The following CEP295 variants were observed in gnomAD, a reference collection of about 807,000 sequenced individuals.
CEP295 encodes the protein centrosomal protein 295.
In CEP295, 190 loss-of-function variants were observed where a neutral mutation model predicts 291.6. That is an observed-to-expected ratio of 0.65 (90% CI 0.58 to 0.73). The LOEUF (loss-of-function observed/expected upper bound fraction) is 0.73. Among genes scored for constraint, CEP295 ranks in the 30% least tolerant of loss-of-function variants. The pLI, the probability that CEP295 is intolerant of heterozygous loss-of-function variation, is 0.00. For synonymous variants in CEP295, 993 were observed against 1,038.8 expected, an observed-to-expected ratio of 0.96 and a Z score of 0.85; for missense variants, 2,863 against 2,949.4, an observed-to-expected ratio of 0.97 and a Z score of 0.68.
At chr11:93,683,396 A>T (rs1951069237) in intron 7 of CEP295, among the ~76,000 whole-genome samples, 163 bp from the exon 8 acceptor site, 1 of 152,220 alleles carries the variant, frequency 6.6e-6, no homozygotes, top group African/African-American at 2.4e-5. Context: ...GTATTCAGCA[A>T]ATAATTGTTG....
rs925929829 is a variant in CEP295 at position 93,667,785 on chromosome 11, G to A, written c.287G>A (p.Gly96Glu). Residue 96 changes from glycine (G) to glutamate (E), a missense_variant, in exon 3 of 30, where the codon GGA becomes GAA. Physicochemically the swap from Gly to Glu is moderately conservative, Grantham distance 98. Around this residue, in one of 3 missense-constraint regions of CEP295, gnomAD observed 554 missense variants for 576.0 expected, o/e 0.96. Coordinates refer to ENST00000325212, the MANE Select transcript of CEP295 (RefSeq NM_033395.2). The stretch of plus-strand genomic sequence containing the variant: ...GCAAGTTTAAGAAGTATGGGAGAGG[G>A]ACATCGACAGGCCAAAGAAAATGTG... ...YLASLRSMGE[G>E]HRQAKENEPD... 1.3e-6 allele frequency: 2 copies of A among 1,550,480 alleles called. No homozygotes were observed. Among genetic ancestry groups the A allele is most frequent in the South Asian group, 2.4e-5 (2 of 83,864 alleles).
In CEP295 at chr11:93,679,408, C is replaced by G. The variant is rs369301104; in HGVS notation, c.625-4C>G. 1.1e-4 allele frequency: 169 copies of G among 1,545,718 alleles called. No individual in the cohort carries two copies. In the African/African-American group the frequency reaches 1.9e-3, roughly 18 times the overall value. Reference sequence around the variant, plus strand: ...TTTGCCTACAATTTTTGATTGACTGCTAGCCAGATGCTCGTTTGGCTGCTG... The same window carrying G: ...TTTGCCTACAATTTTTGATTGACTGGTAGCCAGATGCTCGTTTGGCTGCTG... On this transcript the variant is annotated splice_polypyrimidine_tract_variant and splice_region_variant and intron_variant, in intron 6 of 29. Transcript: ENST00000325212.
chr11:93,685,546 A>G (rs999045479), intron 9 of CEP295, among the ~76,000 whole-genome samples: 6 of 151,986 alleles, frequency 3.9e-5, no homozygotes, highest in Non-Finnish European at 8.8e-5. Context: ...GGGAAAAAAA[A>G]GCAGCAGCAG....
In CEP295 at chr11:93,698,327, C is replaced by G. The variant is rs542217191; in HGVS notation, c.3415C>G (p.His1139Asp). 6.4e-7 allele frequency: 1 copy of G among 1,552,010 alleles called. No homozygotes were observed. Among genetic ancestry groups the G allele is most frequent in the South Asian group, 1.2e-5 (1 of 84,038 alleles). Residue 1139 changes from histidine (H) to aspartate (D), a missense_variant, in exon 15 of 30, where the codon CAT becomes GAT. Physicochemically the swap from His to Asp is moderately conservative, Grantham distance 81. Coordinates refer to ENST00000325212, the MANE Select transcript of CEP295 (RefSeq NM_033395.2). ...GAAGGAGAATGTAGGTCCCTCCTGTCATTTGATAATCCCAACATTTCAGGA... is the reference window on the plus strand; with the variant it reads ...GAAGGAGAATGTAGGTCCCTCCTGTGATTTGATAATCCCAACATTTCAGGA... ...SEKENVGPSC[H>D]LIIPTFQDKS... is the part of the protein sequence containing the mutation.
Position 93,722,017 on chromosome 11 carries a change from T to C in CEP295, c.5914T>C (p.Tyr1972His). The C allele has an allele frequency of 6.4e-7, 1 of 1,564,580 alleles. No individual in the cohort carries two copies. The highest frequency in any genetic ancestry group is 8.7e-7 in the Non-Finnish European group (1 of 1,152,244). ...ATVSTGSLLS[Y>H]ENTDLSLTDP... ...TGTTTCCACTGGGAGCCTTTTAAGT[T>C]ATGAAAACACAGATTTGAGCCTTAC... is the stretch of plus-strand genomic sequence containing the variant. The change falls in exon 20 of 30, where the codon TAT becomes CAT. Residue 1972 changes from tyrosine (Y) to histidine (H), a missense_variant. By Grantham distance (83) the Tyr-to-His change is moderately conservative. Coordinates refer to ENST00000325212, the MANE Select transcript of CEP295 (RefSeq NM_033395.2).
At chr11:93,725,509 A>C in intron 22 of CEP295, 142 bp from the exon 23 acceptor site, 1 of 688,190 alleles carries the variant, frequency 1.5e-6, no homozygotes, top group South Asian at 2.3e-5. Context: ...GATTGAAAAG[A>C]ACTGGATTTG....
At chr11:93,671,102 C>T (rs1158663517) in intron 5 of CEP295, among the ~76,000 whole-genome samples, 1 of 152,068 alleles carries the variant, frequency 6.6e-6, no homozygotes, top group Non-Finnish European at 1.5e-5. Context: ...AGGCTGGTCT[C>T]GAACTCCTGA....
intron 7 of CEP295, among the ~76,000 whole-genome samples, chr11:93,681,244 T>G (rs1423991296): frequency 6.0e-5 from 9 of 151,148 alleles, no homozygotes; most frequent in Admixed American, 2.0e-4. Context: ...GTTGTTTTTT[T>G]TTTTTTTTTT....
intron 18 of CEP295, among the ~76,000 whole-genome samples, chr11:93,710,134 G>A (rs59220317): frequency 0.013 from 1,982 of 152,094 alleles, 42 homozygotes; most frequent in East Asian, 0.053. Flanking sequence ...TGTCTTGTGC[G>A]ATTGCTCTAG....
chr11:93,707,016 G>A, intron 18 of CEP295, 119 bp downstream of exon 18: 3 of 854,526 alleles, frequency 3.5e-6, no homozygotes, highest in South Asian at 4.7e-5. Flanking sequence ...TGCTGTTAAT[G>A]GAATCGTTAT....
chr11:93,702,655 GATTGTAATT>G lies in CEP295; in HGVS notation c.5452+22_5452+30del, dbSNP rs1291936219. ...GCAAAGTGGTAAGATAATTGTGTTT[GATTGTAATT>G]ATTTCACTGATTATTCCTTGTTTTC... On this transcript the variant is annotated intron_variant, in intron 16 of 29. Coordinates refer to ENST00000325212, the MANE Select transcript of CEP295 (RefSeq NM_033395.2). The G allele has an allele frequency of 5.2e-6, 8 of 1,534,280 alleles. No homozygotes were observed. Among genetic ancestry groups the G allele is most frequent in the Non-Finnish European group, 7.0e-6 (8 of 1,138,540 alleles).
At chr11:93,674,412 T>C (rs963752546) in intron 5 of CEP295, among the ~76,000 whole-genome samples, 3 of 152,304 alleles carry the variant, frequency 2.0e-5, no homozygotes, top group East Asian at 3.9e-4. Context: ...TGTGATGTCA[T>C]TGAATTAGCC....
chr11:93,666,659 G>C, intron 1 of CEP295, 23 bp from the exon 2 acceptor site: 1 of 857,676 alleles, frequency 1.2e-6, no homozygotes, highest in Non-Finnish European at 1.8e-6. Context: ...TATTTTTATA[G>C]ACATTTTCCT....
At chr11:93,702,969 T>C (rs1952266695) in intron 17 of CEP295, 50 bp downstream of exon 17, 1 of 1,477,962 alleles carries the variant, frequency 6.8e-7, no homozygotes, top group Non-Finnish European at 9.1e-7. Context: ...TTGCCAGTTT[T>C]CTACTTTTTT....
chr11:93,666,697 A>G lies in CEP295; in HGVS notation c.-11A>G, dbSNP rs1389959782. 7 of 1,393,284 alleles carry G rather than the reference A, an allele frequency of 5.0e-6. No individual in the cohort carries two copies. The highest frequency in any genetic ancestry group is 5.9e-6 in the Non-Finnish European group (6 of 1,011,606). 86.3% of individuals were successfully genotyped at this position (1,393,284 alleles called of 1,614,324 possible). A position where few individuals can be genotyped will look rare whatever the true frequency, so the allele number is the denominator to read the frequency against. On this transcript the variant is annotated 5_prime_UTR_variant, in exon 2 of 30. Transcript: ENST00000325212. ...TTGAATTCAGAACTGTCATACATAAAGTACACAGAAATGAAGAGAAAAGTC... is the reference window on the plus strand; with the variant it reads ...TTGAATTCAGAACTGTCATACATAAGGTACACAGAAATGAAGAGAAAAGTC...
At position 93,727,111 on chromosome 11, in the gene CEP295, C is replaced by G. The variant is rs1260792875; in HGVS notation, c.6635C>G (p.Ser2212Cys). ...GGCATGAAAAATCAGAACTATCCCT[C>G]TGAAGAACATACTGAAATATTACAA... ...SQGMKNQNYP[S>C]EEHTEILQNK... Residue 2212 changes from serine (S) to cysteine (C), a missense_variant, in exon 24 of 30, where the codon TCT becomes TGT. This residue lies in a region of CEP295 where 2,295 missense variants were observed against 2,335.7 expected (regional missense o/e 0.98). Coordinates refer to ENST00000325212, the MANE Select transcript of CEP295 (RefSeq NM_033395.2). 3 of 1,551,428 alleles carry G rather than the reference C, an allele frequency of 1.9e-6. No individual in the cohort carries two copies. The highest frequency in any genetic ancestry group is 2.6e-6 in the Non-Finnish European group (3 of 1,146,920).
chr11:93,725,490 T>C (rs578005619), intron 22 of CEP295, among the ~76,000 whole-genome samples, 161 bp from the exon 23 acceptor site: 1 of 152,366 alleles, frequency 6.6e-6, no homozygotes, highest in Admixed American at 6.5e-5. Flanking sequence ...TTAAAGTCTC[T>C]TTCATATTGA....
chr11:93,728,205 G>C (rs1937636867), intron 24 of CEP295: 1 of 154,536 alleles, frequency 6.5e-6, no homozygotes, highest in Non-Finnish European at 1.4e-5. Flanking sequence ...AAACATAACA[G>C]ATTGAAAATA....
chr11:93,677,132 C>A (rs10741471), intron 6 of CEP295, among the ~76,000 whole-genome samples: 137,803 of 152,132 alleles, frequency 0.91, 63,469 homozygotes, highest in Non-Finnish European at 0.99. Context: ...ATGTGATGAC[C>A]AATGTGCTTG....
Sources: allele counts gnomAD v4.1 joint callset (sites outside exome capture counted in the v4.1 genomes callset), GRCh38; gene constraint gnomAD v4.1.1; regional missense constraint gnomAD v4.1.1; transcripts MANE v1.5; gene names NCBI Gene and HGNC (gene_info 2026-07-23, HGNC 2026-07-21).